Variants in DHCR7 observed in about 807,000 individuals in gnomAD.
DHCR7 encodes the protein 7-dehydrocholesterol reductase, also known as 7-DHC reductase.
A neutral mutation model predicts 43.3 loss-of-function variants in DHCR7; 40 were observed. The ratio of observed to expected loss-of-function variants is 0.92; its 90% CI spans 0.72 to 1.20. The LOEUF (loss-of-function observed/expected upper bound fraction) is 1.20, where lower values mean the gene tolerates loss of function less well. Ranked by LOEUF, DHCR7 falls within the 50% of genes most tolerant of loss-of-function variation. DHCR7 has a pLI of 0.00. For synonymous variants in DHCR7, 298 were observed against 271.4 expected, an observed-to-expected ratio of 1.10 and a Z score of -0.96; for missense variants, 608 against 644.6, an observed-to-expected ratio of 0.94 and a Z score of 0.62.
At chr11:71,441,487 T>A (rs369341085) in intron 5 of DHCR7, 47 bp from the exon 6 acceptor site, 3 of 1,484,488 alleles carry the variant, frequency 2.0e-6, no homozygotes, top group Non-Finnish European at 2.8e-6. Context: ...CAACCCGCAG[T>A]GAGGAGCTTG....
rs1459497627 is a variant in DHCR7, at chr11:71,435,717, G to A, written c.1086C>T (p.Arg362=). ...RVANHQKDLF[R]RTDGRCLIWG... Reference sequence around the variant, plus strand: ...AGATGAGGCAGCGCCCATCCGTGCGGCGGAACAGGTCCTTCTGGTGGTTGG... The same window carrying A: ...AGATGAGGCAGCGCCCATCCGTGCGACGGAACAGGTCCTTCTGGTGGTTGG... The change falls in exon 9 of 9, where the codon CGC becomes CGT. Residue 362 remains arginine (R), a synonymous_variant. Coordinates refer to ENST00000355527, the MANE Select transcript of DHCR7 (RefSeq NM_001360.3). The A allele has an allele frequency of 3.7e-6, 6 of 1,613,072 alleles. No individual in the cohort carries two copies. In the Admixed American group the frequency reaches 6.7e-5, roughly 18 times the overall value.
intron 7 of DHCR7, among the ~76,000 whole-genome samples, chr11:71,438,344 G>A (rs772950139): frequency 5.3e-5 from 8 of 152,240 alleles, no homozygotes; most frequent in Admixed American, 1.3e-4. Flanking sequence ...CCTGGGTGAC[G>A]CTTCCGAATG....
In DHCR7 at chr11:71,444,283, G is replaced by T. The variant is rs746345752; in HGVS notation, c.99-68C>A. ...CCTGGGCCCCACCAGGACCCTAAGAGGCTCTGTGTGGGAGAACTGTTGCTC... is the reference window on the plus strand; with the variant it reads ...CCTGGGCCCCACCAGGACCCTAAGATGCTCTGTGTGGGAGAACTGTTGCTC... On this transcript the variant is annotated intron_variant, in intron 3 of 8. Transcript: ENST00000355527. 47 of 1,320,010 alleles carry T rather than the reference G, an allele frequency of 3.6e-5. No homozygotes were observed. In the South Asian group the frequency reaches 5.9e-4, roughly 17 times the overall value. The allele number at this position is 1,320,010 out of a possible 1,614,324, so 81.8% of individuals were successfully genotyped here. A position where few individuals can be genotyped will look rare whatever the true frequency, so the allele number is the denominator to read the frequency against.
chr11:71,438,682 G>A (rs1433359279), intron 7 of DHCR7, 197 bp downstream of exon 7: 1 of 650,210 alleles, frequency 1.5e-6, no homozygotes, highest in African/African-American at 1.8e-5. Flanking sequence ...TCCCCTCCCA[G>A]GGCTGGCAGA....
Position 71,441,448 on chromosome 11 carries a change from T to A in DHCR7, c.413-8A>T. On this transcript the variant is annotated splice_polypyrimidine_tract_variant and splice_region_variant and intron_variant, in intron 5 of 8. Transcript: ENST00000355527. ...GATACTTGTTCACAACCCCTGCAGATGAAGGATTCAGAAATGAAGGCGCTT... is the reference window on the plus strand; with the variant it reads ...GATACTTGTTCACAACCCCTGCAGAAGAAGGATTCAGAAATGAAGGCGCTT... 6.2e-7 allele frequency: 1 copy of A among 1,607,356 alleles called. No individual in the cohort carries two copies. The highest frequency in any genetic ancestry group is 2.2e-5 in the East Asian group (1 of 44,658).
At chr11:71,431,798 T>C (rs1355280588), downstream of DHCR7, among the ~76,000 whole-genome samples, 4 of 152,220 alleles carry the variant, frequency 2.6e-5, no homozygotes, top group Non-Finnish European at 5.9e-5. Context: ...TTGGTATATA[T>C]CCTTTTATGT....
intron 4 of DHCR7, 33 bp downstream of exon 4, chr11:71,443,960 C>A (rs1271953198): frequency 6.4e-7 from 1 of 1,574,084 alleles, no homozygotes; most frequent in Non-Finnish European, 8.7e-7. Flanking sequence ...TCCCCACCTG[C>A]TGTGTCCCAA....
rs767043016 is a variant in DHCR7, at chr11:71,435,552, G to A, written c.1251C>T (p.Ala417=). ...NYVGDLMGSL[A]YCLACGGGHL... Reference sequence around the variant, plus strand: ...GGCCGCCGCCACAGGCCAGGCAGTAGGCCAGGCTGCCCATCAGGTCGCCGA... The same window carrying A: ...GGCCGCCGCCACAGGCCAGGCAGTAAGCCAGGCTGCCCATCAGGTCGCCGA... The change falls in exon 9 of 9, where the codon GCC becomes GCT. Residue 417 remains alanine (A), a synonymous_variant. Transcript: ENST00000355527. The A allele has an allele frequency of 1.2e-6, 2 of 1,610,888 alleles. No individual in the cohort carries two copies. The highest frequency in any genetic ancestry group is 2.2e-5 in the East Asian group (1 of 44,882).
intron 5 of DHCR7, 132 bp downstream of exon 5, chr11:71,442,131 G>T: frequency 1.3e-6 from 1 of 745,066 alleles, no homozygotes; most frequent in Non-Finnish European, 2.3e-6. Flanking sequence ...GCCTGGTGCT[G>T]TGAAAAATCC....
chr11:71,429,680 G>C (rs924992660), downstream of DHCR7, among the ~76,000 whole-genome samples: 1 of 151,934 alleles, frequency 6.6e-6, no homozygotes, highest in Non-Finnish European at 1.5e-5. Context: ...GAGGTGTAGA[G>C]GGAGCATGTG....
chr11:71,445,082 T>G, intron 2 of DHCR7, 124 bp from the exon 3 acceptor site: 1 of 770,618 alleles, frequency 1.3e-6, no homozygotes, highest in Non-Finnish European at 2.3e-6. Flanking sequence ...TCCCGGTACC[T>G]TGTTCCTGAC....
In DHCR7 at chr11:71,439,264, C is replaced by G. The variant is rs548906584; in HGVS notation, c.627-181G>C. 2.0e-5 allele frequency among the ~76,000 whole-genome samples: 3 copies of G among 152,288 alleles called. No homozygotes were observed. The South Asian group carries it at 6.2e-4, about 32-fold the overall frequency. On this transcript the variant is annotated intron_variant, in intron 6 of 8. Transcript: ENST00000355527. ...CGGCTGGAATGCTTGTCGGCTGGTT[C>G]CTGGCGCCCTCATTCACTTTGCTTT... is the stretch of plus-strand genomic sequence containing the variant.
chr11:71,445,099 T>C, intron 2 of DHCR7, 141 bp from the exon 3 acceptor site: 2 of 716,170 alleles, frequency 2.8e-6, no homozygotes, highest in Non-Finnish European at 2.5e-6. Flanking sequence ...TGACAGCAGA[T>C]TCCAGGCAGG....
rs1268000086 is a variant in DHCR7 at position 71,435,077 on chromosome 11, A to C, written c.*298T>G. 4.8e-5 allele frequency: 29 copies of C among 604,724 alleles called. No homozygotes were observed. Among genetic ancestry groups the C allele is most frequent in the Admixed American group, 4.5e-4 (21 of 46,768 alleles). The allele number at this position is 604,724 out of a possible 1,614,324, so 37.5% of individuals were successfully genotyped here. On this transcript the variant is annotated 3_prime_UTR_variant, in exon 9 of 9. Transcript: ENST00000355527. The stretch of plus-strand genomic sequence containing the variant: ...TGGCCTGGGCTCCTAATACAGGTAA[A>C]TTGTCTCCAAAGGACTAGTAAAGGT...
intron 6 of DHCR7, among the ~76,000 whole-genome samples, chr11:71,440,178 G>A (rs906469993): frequency 6.6e-6 from 1 of 152,174 alleles, no homozygotes; most frequent in Non-Finnish European, 1.5e-5. Flanking sequence ...AAGCCAGAGG[G>A]AGCAGGCTAG....
intron 2 of DHCR7, among the ~76,000 whole-genome samples, chr11:71,446,571 G>A (rs1343792217): frequency 6.6e-6 from 1 of 152,202 alleles, no homozygotes; most frequent in African/African-American, 2.4e-5. Context: ...TGTCGGATGT[G>A]GGATGTGGTA....
In DHCR7 at chr11:71,438,915, A is replaced by G. The variant is rs1472363309; in HGVS notation, c.795T>C (p.His265=). Residue 265 remains histidine (H), a synonymous_variant, in exon 7 of 9, where the codon CAT becomes CAC. Coordinates refer to ENST00000355527, the MANE Select transcript of DHCR7 (RefSeq NM_001360.3). Reference sequence around the variant, plus strand: ...TGACCAGGACCATGGCATTGGTCACATGGCTGTGGAGCTCCCGCTGCTTCG... The same window carrying G: ...TGACCAGGACCATGGCATTGGTCACGTGGCTGTGGAGCTCCCGCTGCTTCG... ...FAAKQRELHS[H]VTNAMVLVNV... is the part of the protein sequence containing the mutation. The G allele has an allele frequency of 7.4e-6, 12 of 1,613,826 alleles. No homozygotes were observed. The African/African-American group carries it at 1.2e-4, about 16-fold the overall frequency.
rs1379674460 is a variant in DHCR7, at chr11:71,442,250, G to A, written c.412+13C>T. The A allele has an allele frequency of 3.1e-6, 5 of 1,602,366 alleles. No individual in the cohort carries two copies. Among genetic ancestry groups the A allele is most frequent in the Admixed American group, 3.4e-5 (2 of 59,640 alleles). On this transcript the variant is annotated intron_variant, in intron 5 of 8. Transcript: ENST00000355527. ...GAACGGGAGCCTGGGGAGGGTGGAA[G>A]GGAGGAGGCTACCTGCAGGAGTCAC...
chr11:71,435,641 G>T lies in DHCR7; in HGVS notation c.1162C>A (p.Gln388Lys). 1.2e-6 allele frequency: 2 copies of T among 1,612,498 alleles called. No homozygotes were observed. Among genetic ancestry groups the T allele is most frequent in the Non-Finnish European group, 8.5e-7 (1 of 1,179,914 alleles). Residue 388 changes from glutamine (Q) to lysine (K), a missense_variant, in exon 9 of 9, where the codon CAG becomes AAG. By Grantham distance (53) the Gln-to-Lys change is moderately conservative. Transcript: ENST00000355527. The stretch of plus-strand genomic sequence containing the variant: ...ACCAGCAGCTTGCTGTGGTGCCTCT[G>T]CCCATCGGCGGATGTGTAGGAGCAC... The part of the protein sequence containing the change: ...IECSYTSADG[Q>K]RHHSKLLVSG...
Sources: allele counts gnomAD v4.1 joint callset (sites outside exome capture counted in the v4.1 genomes callset), GRCh38; gene constraint gnomAD v4.1.1; transcripts MANE v1.5; gene names NCBI Gene and HGNC (gene_info 2026-07-23, HGNC 2026-07-21).